Variants in GULP1 observed in about 807,000 individuals in gnomAD.
GULP1 encodes GULP PTB domain containing engulfment adaptor 1, also known as PTB domain-containing engulfment adapter protein 1.
A neutral mutation model predicts 40.9 loss-of-function variants in GULP1; 19 were observed. The observed-to-expected ratio is 0.46, with a 90% confidence interval of 0.32 to 0.68. The LOEUF is 0.68. Among genes scored for constraint, GULP1 ranks in the 30% least tolerant of loss-of-function variants. The probability of loss-of-function intolerance (pLI) is 0.03; values close to 1 mark genes in which losing one functional copy is unlikely to be tolerated. For missense variants in GULP1, 312 were observed against 362.2 expected, an observed-to-expected ratio of 0.86 and a Z score of 1.12; for synonymous variants, 119 against 117.6, an observed-to-expected ratio of 1.01 and a Z score of -0.08.
At chr2:188,556,818 G>T (rs530151813) in intron 7 of GULP1, among the ~76,000 whole-genome samples, 1 of 151,980 alleles carries the variant, frequency 6.6e-6, no homozygotes, top group Non-Finnish European at 1.5e-5. Flanking sequence ...GGTGGATCAC[G>T]AGGTCAGGAG....
rs189902379 is a variant in GULP1, at chr2:188,330,455, A to G, written c.-172+38289A>G. Among the ~76,000 whole-genome samples the G allele has an allele frequency of 8.5e-5, 13 of 152,312 alleles. No homozygotes were observed. The East Asian group carries it at 2.5e-3, about 29-fold the overall frequency. Reference sequence around the variant, plus strand: ...TTTTCCTGCCAAACAGAATTAAATTACAACTCTGAGAGGAGAACATAAGGA... The same window carrying G: ...TTTTCCTGCCAAACAGAATTAAATTGCAACTCTGAGAGGAGAACATAAGGA... On this transcript the variant is annotated intron_variant, in intron 1 of 11. Transcript: ENST00000409830.
At chr2:188,458,274 G>C (rs1182975756) in intron 2 of GULP1, among the ~76,000 whole-genome samples, 3 of 151,914 alleles carry the variant, frequency 2.0e-5, no homozygotes, top group Non-Finnish European at 2.9e-5. Flanking sequence ...TCTCTTTTCT[G>C]TATCACCAGT....
At chr2:188,584,226 A>G (rs1032786810) in intron 9 of GULP1, 39 bp from the exon 10 acceptor site, 4 of 1,386,198 alleles carry the variant, frequency 2.9e-6, no homozygotes, top group Middle Eastern at 1.8e-4. Flanking sequence ...CAATGTGTCT[A>G]TATGAAATAT....
chr2:188,394,053 A>G lies in GULP1; in HGVS notation c.-45+10164A>G, dbSNP rs370724123. 6.6e-5 allele frequency among the ~76,000 whole-genome samples: 10 copies of G among 152,250 alleles called. No homozygotes were observed. In the South Asian group the frequency reaches 1.9e-3, roughly 28 times the overall value. ...CCCAGGAGTTCTTTGATCTTCTTATATTTAGATATCTAAATCTCTGGCAAG... is the reference window on the plus strand; with the variant it reads ...CCCAGGAGTTCTTTGATCTTCTTATGTTTAGATATCTAAATCTCTGGCAAG... On this transcript the variant is annotated intron_variant, in intron 2 of 11. Transcript: ENST00000409830.
intron 2 of GULP1, among the ~76,000 whole-genome samples, chr2:188,421,345 A>G (rs994545045): frequency 1.1e-4 from 16 of 152,188 alleles, no homozygotes; most frequent in Admixed American, 9.2e-4. Context: ...AATTGAAATT[A>G]ATGGTGTTTA....
intron 1 of GULP1, among the ~76,000 whole-genome samples, chr2:188,369,245 G>A (rs939334871): frequency 1.3e-5 from 2 of 151,726 alleles, no homozygotes; most frequent in Non-Finnish European, 2.9e-5. Flanking sequence ...ACAGGTGTGA[G>A]CCACCATGCC....
chr2:188,381,191 CAT>C (rs754867186), intron 1 of GULP1, among the ~76,000 whole-genome samples: 17 of 152,182 alleles, frequency 1.1e-4, no homozygotes, highest in East Asian at 7.7e-4. Flanking sequence ...TCATATCAGA[CAT>C]AGAATAATAG....
At chr2:188,567,173 A>G (rs1191536500) in intron 7 of GULP1, among the ~76,000 whole-genome samples, 3 of 152,296 alleles carry the variant, frequency 2.0e-5, no homozygotes, top group African/African-American at 7.2e-5. Flanking sequence ...ATGTTTTTAC[A>G]CTGTTGGTGG....
intron 4 of GULP1, among the ~76,000 whole-genome samples, chr2:188,484,562 G>A (rs2061704246): frequency 6.6e-6 from 1 of 152,106 alleles, no homozygotes; most frequent in African/African-American, 2.4e-5. Flanking sequence ...CTTTATAAGA[G>A]AACTTAAACG....
At chr2:188,399,124 A>G (rs1408614921) in intron 2 of GULP1, among the ~76,000 whole-genome samples, 2 of 152,228 alleles carry the variant, frequency 1.3e-5, no homozygotes, top group Non-Finnish European at 2.9e-5. Flanking sequence ...CACAAGTAAC[A>G]GAAACTAGTT....
chr2:188,378,453 T>C (rs2048582799), intron 1 of GULP1, among the ~76,000 whole-genome samples: 1 of 152,158 alleles, frequency 6.6e-6, no homozygotes, highest in Non-Finnish European at 1.5e-5. Flanking sequence ...GTTGTCTTTG[T>C]ATTGCTATAA....
chr2:188,489,945 G>A (rs896722055), intron 4 of GULP1, among the ~76,000 whole-genome samples: 29 of 152,038 alleles, frequency 1.9e-4, no homozygotes, highest in African/African-American at 6.8e-4. Flanking sequence ...CTGGATTCTT[G>A]AGATAAACTT....
chr2:188,295,321 C>T (rs2034672635), intron 1 of GULP1, among the ~76,000 whole-genome samples: 1 of 152,152 alleles, frequency 6.6e-6, no homozygotes, highest in South Asian at 2.1e-4. Context: ...ATAAATCCAG[C>T]CAATGTTTGT....
chr2:188,579,486 G>A (rs1054737777), intron 9 of GULP1, among the ~76,000 whole-genome samples: 2 of 151,960 alleles, frequency 1.3e-5, no homozygotes, highest in Non-Finnish European at 2.9e-5. Flanking sequence ...ATCGAGTCAG[G>A]GTAATTGCAA....
At chr2:188,354,659 G>A (rs1464326674) in intron 1 of GULP1, among the ~76,000 whole-genome samples, 3 of 152,134 alleles carry the variant, frequency 2.0e-5, no homozygotes, top group African/African-American at 7.2e-5. Flanking sequence ...GATCTCCATG[G>A]CTAAGTCTCC....
At chr2:188,297,725 G>A (rs1044703788) in intron 1 of GULP1, 2 of 228,862 alleles carry the variant, frequency 8.7e-6, no homozygotes, top group Non-Finnish European at 1.9e-5. Context: ...TGATTTGCCT[G>A]TTTATAGCTG....
At chr2:188,339,548 A>T (rs573320693) in intron 1 of GULP1, among the ~76,000 whole-genome samples, 1 of 152,296 alleles carries the variant, frequency 6.6e-6, no homozygotes, top group South Asian at 2.1e-4. Context: ...GGAAATGCAC[A>T]TTTGTTGTCT....
intron 2 of GULP1, among the ~76,000 whole-genome samples, chr2:188,395,042 G>A (rs1192190361): frequency 6.6e-6 from 1 of 152,178 alleles, no homozygotes; most frequent in Admixed American, 6.5e-5. Flanking sequence ...GTTTCCCTGG[G>A]TAGAAACTGG....
chr2:188,392,844 C>T (rs1319612858), intron 2 of GULP1, among the ~76,000 whole-genome samples: 2 of 151,936 alleles, frequency 1.3e-5, no homozygotes, highest in African/African-American at 4.8e-5. Flanking sequence ...GTTATTAACT[C>T]AAAAATCATT....
Sources: allele counts gnomAD v4.1 joint callset (sites outside exome capture counted in the v4.1 genomes callset), GRCh38; gene constraint gnomAD v4.1.1; transcripts MANE v1.5; gene names NCBI Gene and HGNC (gene_info 2026-07-23, HGNC 2026-07-21).